Variants in TRIQK observed in about 807,000 individuals in gnomAD.
TRIQK encodes triple QxxK/R motif containing.
Under a neutral mutation model 10.8 loss-of-function variants are expected in TRIQK, and 10 were observed. The ratio of observed to expected loss-of-function variants is 0.92; its 90% CI spans 0.57 to 1.57. The LOEUF is 1.57. Ranked by LOEUF, TRIQK falls within the 40% of genes most tolerant of loss-of-function variation. The pLI is 0.00. For synonymous variants in TRIQK, 33 were observed against 33.7 expected (o/e 0.98, Z 0.07); for missense variants, 107 against 97.7 (o/e 1.09, Z -0.40).
chr8:92,911,268 T>A (rs936320765), intron 3 of TRIQK, among the ~76,000 whole-genome samples: 1 of 150,866 alleles, frequency 6.6e-6, no homozygotes, highest in African/African-American at 2.4e-5. Context: ...TAAAAAAAAC[T>A]AATATTAGAT....
chr8:92,895,469 A>T (rs2130296606), intron 3 of TRIQK, among the ~76,000 whole-genome samples: 1 of 152,298 alleles, frequency 6.6e-6, no homozygotes, highest in East Asian at 1.9e-4. Flanking sequence ...ATTGCCATGA[A>T]GGAAGCATTA....
intron 1 of TRIQK, among the ~76,000 whole-genome samples, chr8:93,002,891 G>A (rs1307789506): frequency 1.3e-5 from 2 of 151,104 alleles, no homozygotes; most frequent in Admixed American, 1.3e-4. Context: ...TTGCACTTCA[G>A]TCTGGGTGAG....
chr8:93,011,934 G>A (rs1726324552), intron 1 of TRIQK, among the ~76,000 whole-genome samples: 1 of 152,154 alleles, frequency 6.6e-6, no homozygotes, highest in Admixed American at 6.5e-5. Context: ...TCGAAACCAA[G>A]ATAGATGCAG....
chr8:93,006,613 C>T (rs563396030), intron 1 of TRIQK, among the ~76,000 whole-genome samples: 35 of 151,964 alleles, frequency 2.3e-4, no homozygotes, highest in Non-Finnish European at 5.9e-5. Context: ...GAGCTCCCGG[C>T]GGGGAGGGGC....
intron 1 of TRIQK, among the ~76,000 whole-genome samples, chr8:93,000,026 T>C (rs2130755871): frequency 6.6e-6 from 1 of 152,282 alleles, no homozygotes; most frequent in East Asian, 1.9e-4. Context: ...TCCATCATGG[T>C]CTCTATATTT....
At chr8:92,995,796 T>C (rs1458373768) in intron 1 of TRIQK, among the ~76,000 whole-genome samples, 1 of 152,120 alleles carries the variant, frequency 6.6e-6, no homozygotes, top group Non-Finnish European at 1.5e-5. Flanking sequence ...CAGCTCTAGT[T>C]CACAGGGGCC....
chr8:92,884,028 T>C lies in TRIQK; in HGVS notation c.*2594A>G, dbSNP rs1329604309. 2.0e-5 allele frequency: 3 copies of C among 151,856 alleles called. No homozygotes were observed. Among genetic ancestry groups the C allele is most frequent in the East Asian group, 3.9e-4 (2 of 5,162 alleles). The allele number at this position is 151,856 out of a possible 1,614,324, so 9.4% of individuals were successfully genotyped here. On this transcript the variant is annotated 3_prime_UTR_variant, in exon 5 of 5. Coordinates refer to ENST00000521988, the MANE Select transcript of TRIQK (RefSeq NM_001171797.2). ...CTATATTTTAAGTCTATTGCATTAG[T>C]TGAAATTTATTTTGCAGAGTATGTT... is the stretch of plus-strand genomic sequence containing the variant.
chr8:92,888,188 C>G (rs569158203), intron 4 of TRIQK, among the ~76,000 whole-genome samples: 1 of 151,674 alleles, frequency 6.6e-6, no homozygotes, highest in African/African-American at 2.4e-5. Flanking sequence ...GACAACAAAA[C>G]TGTTCAACAG....
chr8:92,985,348 T>C (rs1286563144), intron 1 of TRIQK, among the ~76,000 whole-genome samples: 2 of 152,210 alleles, frequency 1.3e-5, no homozygotes, highest in East Asian at 3.9e-4. Flanking sequence ...CTATGGAAAC[T>C]TCTCCTTTCC....
At chr8:92,961,399 C>T (rs1470438911) in intron 1 of TRIQK, among the ~76,000 whole-genome samples, 2 of 152,068 alleles carry the variant, frequency 1.3e-5, no homozygotes, top group Non-Finnish European at 2.9e-5. Flanking sequence ...GATATACCTC[C>T]TCTGCCCAGA....
chr8:92,936,571 C>A (rs1172057813), intron 2 of TRIQK, among the ~76,000 whole-genome samples: 2 of 151,374 alleles, frequency 1.3e-5, no homozygotes, highest in African/African-American at 4.8e-5. Flanking sequence ...CAAAGATTAT[C>A]CTAAATAGAG....
chr8:92,989,110 A>G (rs113846471), intron 1 of TRIQK, among the ~76,000 whole-genome samples: 1 of 152,312 alleles, frequency 6.6e-6, no homozygotes, highest in African/African-American at 2.4e-5. Flanking sequence ...ATAATACTGC[A>G]TATCAGGAAT....
intron 1 of TRIQK, among the ~76,000 whole-genome samples, chr8:93,005,147 T>G (rs534436503): frequency 6.6e-6 from 1 of 152,332 alleles, no homozygotes; most frequent in South Asian, 2.1e-4. Flanking sequence ...GGGTAATTTA[T>G]GAAGAAAAGA....
intron 2 of TRIQK, among the ~76,000 whole-genome samples, chr8:92,943,070 A>G (rs1022013339): frequency 6.6e-6 from 1 of 151,890 alleles, no homozygotes; most frequent in Admixed American, 6.6e-5. Context: ...CCTATTTACA[A>G]TAGCTAAAAA....
At chr8:92,976,560 G>A (rs1563671274) in intron 1 of TRIQK, among the ~76,000 whole-genome samples, 3 of 151,870 alleles carry the variant, frequency 2.0e-5, no homozygotes, top group African/African-American at 7.2e-5. Context: ...ACAACATGTA[G>A]TTGAGTCTTG....
chr8:92,999,528 CAGA>C (rs1017542709), intron 1 of TRIQK, among the ~76,000 whole-genome samples: 27 of 152,202 alleles, frequency 1.8e-4, no homozygotes, highest in African/African-American at 6.5e-4. Flanking sequence ...TGTATGAATT[CAGA>C]AGGTCTTAAT....
intron 1 of TRIQK, among the ~76,000 whole-genome samples, chr8:93,005,801 G>T (rs1290319321): frequency 6.6e-6 from 1 of 151,948 alleles, no homozygotes; most frequent in Non-Finnish European, 1.5e-5. Flanking sequence ...TAGAAGCCCT[G>T]CCCAGAGAAA....
At chr8:93,011,177 CAT>C (rs1813328667) in intron 1 of TRIQK, among the ~76,000 whole-genome samples, 1 of 122,490 alleles carries the variant, frequency 8.2e-6, no homozygotes, top group Middle Eastern at 4.0e-3. Context: ...TATACACATA[CAT>C]ACACACACAC....
At chr8:92,983,321 A>C (rs1263781441) in intron 1 of TRIQK, among the ~76,000 whole-genome samples, 1 of 152,056 alleles carries the variant, frequency 6.6e-6, no homozygotes, top group Admixed American at 6.6e-5. Context: ...TCTTATACAC[A>C]AACTAGATTA....
Sources: gnomAD v4.1 joint callset for allele counts (sites outside exome capture counted in the v4.1 genomes callset) on GRCh38, gnomAD v4.1.1 for gene constraint, MANE v1.5 for transcripts, NCBI Gene and HGNC (gene_info 2026-07-23, HGNC 2026-07-21) for gene names.